The following SOX6 variants were observed in gnomAD, a reference collection of about 807,000 sequenced individuals.
SOX6 encodes SRY-box transcription factor 6, also known as transcription factor SOX-6.
SOX6 carries 11 observed loss-of-function variants against 97.8 expected under a neutral mutation model. The ratio of observed to expected loss-of-function variants is 0.11; its 90% confidence interval spans 0.07 to 0.19. The LOEUF (loss-of-function observed/expected upper bound fraction) is 0.19, where lower values mean the gene tolerates loss of function less well. Ranked by LOEUF, SOX6 falls within the 10% of genes least tolerant of loss-of-function variation. SOX6 has a pLI of 1.00. For synonymous variants in SOX6, 360 were observed against 371.4 expected (o/e 0.97, Z 0.35); for missense variants, 810 against 1,039.5 (o/e 0.78, Z 3.04).
intron 6 of SOX6, among the ~76,000 whole-genome samples, chr11:16,151,753 C>A (rs901001389): frequency 3.3e-5 from 5 of 152,122 alleles, no homozygotes; most frequent in Non-Finnish European, 7.4e-5. Context: ...AAATTCAGTT[C>A]TATAAAATTA....
chr11:16,050,069 A>G (rs1327835666), intron 10 of SOX6, 131 bp from the exon 11 acceptor site: 5 of 913,508 alleles, frequency 5.5e-6, no homozygotes, highest in Non-Finnish European at 8.8e-6. Context: ...AAAAGAAGCT[A>G]ATTATCTACC....
At position 16,460,862 on chromosome 11, in the gene SOX6, T is replaced by C. The variant is rs570192166; in HGVS notation, c.-5+15453A>G. Among the ~76,000 whole-genome samples, 4 of 152,286 alleles carry C rather than the reference T, an allele frequency of 2.6e-5. No individual in the cohort carries two copies. The South Asian group carries it at 8.3e-4, about 32-fold the overall frequency. On this transcript the variant is annotated intron_variant, in intron 1 of 15. Transcript: ENST00000396356. ...ATCTTCAATTTTCTCATACTCATGG[T>C]AGCTAAGTTTTACCTTATGTCTCTG...
intron 3 of SOX6, among the ~76,000 whole-genome samples, chr11:16,260,048 G>A (rs750607487): frequency 1.3e-4 from 20 of 151,698 alleles, no homozygotes; most frequent in Non-Finnish European, 2.4e-4. Context: ...CATCCAGCTT[G>A]GAGTGCAGTG....
intron 1 of SOX6, among the ~76,000 whole-genome samples, chr11:16,391,089 A>G (rs893674784): frequency 6.6e-6 from 1 of 152,212 alleles, no homozygotes; most frequent in South Asian, 2.1e-4. Flanking sequence ...AACTATCACA[A>G]GATCAGAAAA....
At chr11:16,019,022 C>T (rs1374043585) in intron 12 of SOX6, among the ~76,000 whole-genome samples, 3 of 152,090 alleles carry the variant, frequency 2.0e-5, no homozygotes, top group Non-Finnish European at 4.4e-5. Context: ...GGATTGTGTA[C>T]TTAAATAACA....
At chr11:16,568,366 T>C (rs1263356201) in intron 4 of SOX6, among the ~76,000 whole-genome samples, 1 of 152,188 alleles carries the variant, frequency 6.6e-6, no homozygotes, top group African/African-American at 2.4e-5. Context: ...TATTGTATGA[T>C]TGCATTTATA....
chr11:16,308,825 T>C (rs1565083116), intron 3 of SOX6, among the ~76,000 whole-genome samples: 2 of 152,174 alleles, frequency 1.3e-5, no homozygotes, highest in Admixed American at 6.5e-5. Flanking sequence ...AACGACGATA[T>C]TCTTGTGCTC....
chr11:16,504,205 C>G (rs538437028), intron 4 of SOX6, among the ~76,000 whole-genome samples: 1 of 151,884 alleles, frequency 6.6e-6, no homozygotes, highest in Admixed American at 6.6e-5. Context: ...GCCTACTTTT[C>G]ACCACTCCTA....
At chr11:16,392,744 G>T (rs1331570873) in intron 1 of SOX6, among the ~76,000 whole-genome samples, 2 of 151,996 alleles carry the variant, frequency 1.3e-5, no homozygotes, top group Non-Finnish European at 2.9e-5. Flanking sequence ...GATATCAATT[G>T]GCTGTCTACA....
intron 4 of SOX6, among the ~76,000 whole-genome samples, chr11:16,537,495 G>A (rs1861327518): frequency 6.6e-6 from 1 of 152,170 alleles, no homozygotes; most frequent in Non-Finnish European, 1.5e-5. Flanking sequence ...GACAGAAGTA[G>A]GCTTCAGAAG....
chr11:16,217,814 T>C (rs1207634312), intron 4 of SOX6, among the ~76,000 whole-genome samples: 1 of 152,158 alleles, frequency 6.6e-6, no homozygotes, highest in Non-Finnish European at 1.5e-5. Context: ...TGGTTTGTAT[T>C]TGAGGTCCCC....
chr11:16,356,137 C>T lies in SOX6; in HGVS notation c.-48G>A, dbSNP rs917109886. ...CACTCTTCAATCCGGCTTTCTCTTA[C>T]CACATCAGCCAGAACTTCAGAACTT... On this transcript the variant is annotated 5_prime_UTR_variant, in exon 1 of 16. It introduces an in-frame stop codon into an upstream open reading frame of the 5' UTR. Transcript: ENST00000683767. Among the ~76,000 whole-genome samples, 2 of 151,758 alleles carry T rather than the reference C, an allele frequency of 1.3e-5. No individual in the cohort carries two copies. Among genetic ancestry groups the T allele is most frequent in the Non-Finnish European group, 2.9e-5 (2 of 67,914 alleles).
intron 1 of SOX6, among the ~76,000 whole-genome samples, chr11:16,452,033 C>T (rs188586911): frequency 1.7e-5 from 2 of 115,718 alleles, no homozygotes; most frequent in East Asian, 6.1e-4. Context: ...TTAAAAAGCA[C>T]GTTTAAGTGA....
chr11:16,320,948 T>C (rs1855903220), intron 2 of SOX6, among the ~76,000 whole-genome samples: 1 of 152,154 alleles, frequency 6.6e-6, no homozygotes, highest in Admixed American at 6.6e-5. Flanking sequence ...TTTACCTTTC[T>C]TCTAGATCCC....
intron 4 of SOX6, among the ~76,000 whole-genome samples, chr11:16,548,646 A>T (rs1255153692): frequency 2.0e-5 from 3 of 152,194 alleles, no homozygotes; most frequent in African/African-American, 4.8e-5. Flanking sequence ...TGGCTCTTTG[A>T]AAGACACTTA....
At chr11:16,688,539 A>G (rs1402718573) in intron 3 of SOX6, among the ~76,000 whole-genome samples, 3 of 152,080 alleles carry the variant, frequency 2.0e-5, no homozygotes, top group Admixed American at 6.6e-5. Context: ...TTTCTTCTGT[A>G]ATATCTAATA....
chr11:16,353,683 A>G (rs1014756302), intron 1 of SOX6, among the ~76,000 whole-genome samples: 2 of 152,042 alleles, frequency 1.3e-5, no homozygotes, highest in Non-Finnish European at 2.9e-5. Context: ...TCCATGAATC[A>G]TTGCACAGAA....
intron 4 of SOX6, among the ~76,000 whole-genome samples, chr11:16,505,167 A>T (rs969178609): frequency 6.6e-6 from 1 of 152,168 alleles, no homozygotes; most frequent in Non-Finnish European, 1.5e-5. Flanking sequence ...CTTTCTAGAG[A>T]CTTGTTGAAT....
At chr11:16,282,676 T>C (rs1219481189) in intron 3 of SOX6, among the ~76,000 whole-genome samples, 1 of 151,500 alleles carries the variant, frequency 6.6e-6, no homozygotes, top group Non-Finnish European at 1.5e-5. Flanking sequence ...TTCATTATTA[T>C]TGAATTATAT....
Sources: allele counts gnomAD v4.1 joint callset (sites outside exome capture counted in the v4.1 genomes callset), GRCh38; gene constraint gnomAD v4.1.1; transcripts MANE v1.5; gene names NCBI Gene and HGNC (gene_info 2026-07-23, HGNC 2026-07-21).